C19orf44: variants seen among roughly 807,000 people sequenced by gnomAD.
The protein encoded by C19orf44 is chromosome 19 open reading frame 44.
Under a neutral mutation model 50.7 loss-of-function variants are expected in C19orf44, and 43 were observed. That is an observed-to-expected ratio of 0.85 (90% CI 0.66 to 1.09). The LOEUF is 1.09. Among genes scored for constraint, C19orf44 ranks in the 50% least tolerant of loss-of-function variants. The pLI is 0.00. For synonymous variants in C19orf44, 298 were observed against 334.7 expected, an observed-to-expected ratio of 0.89 and a Z score of 1.20; for missense variants, 722 against 836.2, an observed-to-expected ratio of 0.86 and a Z score of 1.68.
At chr19:16,509,182 C>A (rs1357146582) in intron 4 of C19orf44, among the ~76,000 whole-genome samples, 1 of 151,908 alleles carries the variant, frequency 6.6e-6, no homozygotes, top group Non-Finnish European at 1.5e-5. Flanking sequence ...CCAGGCAGGT[C>A]TTGAACTCCT....
In C19orf44 at chr19:16,519,952, G is replaced by A. The variant is rs569583728; in HGVS notation, c.*41-142G>A. 8.4e-4 allele frequency: 573 copies of A among 678,786 alleles called. 13 individuals carry two copies. The South Asian group carries it at 0.01, about 12-fold the overall frequency. The allele number at this position is 678,786 out of a possible 1,614,324, so 42.0% of individuals were successfully genotyped here. On this transcript the variant is annotated intron_variant, in intron 8 of 8. Transcript: ENST00000221671. This position sits in a 1 kb window ranked among gnomAD's most constrained non-coding sequence, Gnocchi z 6.0. ...CAGGACACCTCCAACCCAGATGGTG[G>A]TTAGAAAGCAGACCCCAGTTACTGC... is the stretch of plus-strand genomic sequence containing the variant.
chr19:16,512,915 G>A, intron 5 of C19orf44, 99 bp from the exon 6 acceptor site: 3 of 891,722 alleles, frequency 3.4e-6, no homozygotes, highest in African/African-American at 1.7e-5. Context: ...AAAGAGGGAA[G>A]AACAAGGTCA....
chr19:16,509,505 A>G lies in C19orf44; in HGVS notation c.1156A>G (p.Ser386Gly). Residue 386 changes from serine (S) to glycine (G), a missense_variant, in exon 5 of 9, where the codon AGT (serine) becomes GGT (glycine). By Grantham distance (56) the Ser-to-Gly change is moderately conservative (BLOSUM62 0). Transcript: ENST00000221671. ...ENSDLEQEEE[S>G]AQRQKTAGKI... ...CTGCCATTCTTCATTTTAGGAGGAAAGTGCTCAGAGACAAAAAACAGCTGG... is the reference window on the plus strand; with the variant it reads ...CTGCCATTCTTCATTTTAGGAGGAAGGTGCTCAGAGACAAAAAACAGCTGG... The G allele has an allele frequency of 6.5e-7, 1 of 1,536,228 alleles. No individual in the cohort carries two copies. Among genetic ancestry groups the G allele is most frequent in the Non-Finnish European group, 8.7e-7 (1 of 1,145,466 alleles).
At chr19:16,496,629 G>C (rs931816004) in intron 1 of C19orf44, 164 bp downstream of exon 1, 10 of 182,266 alleles carry the variant, frequency 5.5e-5, no homozygotes, top group Admixed American at 2.2e-4. Context: ...GTCCTGCGCG[G>C]GTCGCTTCAT....
intron 5 of C19orf44, 170 bp downstream of exon 5, chr19:16,510,158 G>A (rs982935255): frequency 1.0e-6 from 1 of 983,872 alleles, no homozygotes; most frequent in East Asian, 2.7e-5. Flanking sequence ...TGTAATCCCA[G>A]CACTTTGGGA....
rs1478293050 is a variant in C19orf44, at chr19:16,506,629, G to T, written c.1076-72G>T. ...GAAAAGAAAAGAAAAAAGAAATTTGGAAGGTTTGTAAAAATTTATGGAGTA... is the reference window on the plus strand; with the variant it reads ...GAAAAGAAAAGAAAAAAGAAATTTGTAAGGTTTGTAAAAATTTATGGAGTA... On this transcript the variant is annotated intron_variant, in intron 3 of 8. Transcript: ENST00000221671. 6 of 1,026,916 alleles carry T rather than the reference G, an allele frequency of 5.8e-6. No homozygotes were observed. In the Admixed American group the frequency reaches 1.9e-4, roughly 33 times the overall value. The allele number at this position is 1,026,916 out of a possible 1,614,324, so 63.6% of individuals were successfully genotyped here. A position where few individuals can be genotyped will look rare whatever the true frequency, so the allele number is the denominator to read the frequency against.
intron 7 of C19orf44, among the ~76,000 whole-genome samples, chr19:16,516,710 C>T (rs967733119): frequency 2.0e-5 from 3 of 152,324 alleles, no homozygotes; most frequent in East Asian, 1.9e-4. Flanking sequence ...TGCCCCGGGA[C>T]GCTGCTTTGG....
intron 5 of C19orf44, 108 bp from the exon 6 acceptor site, chr19:16,512,906 A>C (rs970442541): frequency 1.5e-5 from 13 of 880,996 alleles, no homozygotes; most frequent in Non-Finnish European, 2.2e-5. Context: ...CACCTTCAGA[A>C]AGAGGGAAGA....
intron 2 of C19orf44, among the ~76,000 whole-genome samples, chr19:16,502,478 T>C (rs1416182255): frequency 1.3e-5 from 2 of 152,064 alleles, no homozygotes; most frequent in Non-Finnish European, 2.9e-5. Flanking sequence ...CCTCATGATC[T>C]GCCCGCCTCG....
intron 2 of C19orf44, 32 bp downstream of exon 2, chr19:16,501,583 T>A: frequency 9.5e-6 from 12 of 1,269,150 alleles, no homozygotes; most frequent in Non-Finnish European, 1.2e-5. Flanking sequence ...AAATTTATTT[T>A]AATTTATTTA....
At chr19:16,505,859 T>G (rs1417247815) in intron 3 of C19orf44, among the ~76,000 whole-genome samples, 1 of 151,748 alleles carries the variant, frequency 6.6e-6, no homozygotes, top group Non-Finnish European at 1.5e-5. Flanking sequence ...TTTTTGTATT[T>G]TTAATAGAGA....
At chr19:16,505,506 A>G (rs2093438107) in intron 3 of C19orf44, among the ~76,000 whole-genome samples, 1 of 150,700 alleles carries the variant, frequency 6.6e-6, no homozygotes, top group South Asian at 2.1e-4. Flanking sequence ...GAGCCACTGC[A>G]CCAAGCCTGT....
At position 16,519,138 on chromosome 19, in the gene C19orf44, C is replaced by T. The variant is rs543574733; in HGVS notation, c.*41-956C>T. ...CACAGCCGGCACCGCTGGCCACCGGCGCGGCTCCCGGCATGGGCGCCTACT... is the reference window on the plus strand; with the variant it reads ...CACAGCCGGCACCGCTGGCCACCGGTGCGGCTCCCGGCATGGGCGCCTACT... On this transcript the variant is annotated intron_variant, in intron 8 of 8. Coordinates refer to ENST00000221671, the MANE Select transcript of C19orf44 (RefSeq NM_032207.4). This position sits in a 1 kb window ranked among gnomAD's most constrained non-coding sequence, Gnocchi z 6.0. 65 of 1,603,684 alleles carry T rather than the reference C, an allele frequency of 4.1e-5. No individual in the cohort carries two copies. The highest frequency in any genetic ancestry group is 1.7e-4 in the Middle Eastern group (1 of 6,034).
Position 16,509,668 on chromosome 19 carries a change from C to T in C19orf44, c.1319C>T (p.Ser440Leu), listed in dbSNP as rs562591336. 4.3e-6 allele frequency: 7 copies of T among 1,614,236 alleles called. No individual in the cohort carries two copies. In the East Asian group the frequency reaches 6.7e-5, roughly 15 times the overall value. Residue 440 changes from serine to leucine, a missense_variant, in exon 5 of 9, where the codon TCG (serine) becomes TTG (leucine). By Grantham distance (145) the Ser-to-Leu change is moderately radical. Coordinates refer to ENST00000221671, the MANE Select transcript of C19orf44 (RefSeq NM_032207.4). ...GTCTCGGAGCATCTCAGTGCCAGCT[C>T]GGCTTCTGCCATCCAGCAGGACAGC... Reference protein sequence around the residue: ...SEVSEHLSASSASAIQQDSTS... With the variant: ...SEVSEHLSASLASAIQQDSTS...
chr19:16,516,438 T>C (rs1489650283), intron 7 of C19orf44, among the ~76,000 whole-genome samples: 1 of 152,146 alleles, frequency 6.6e-6, no homozygotes, highest in Non-Finnish European at 1.5e-5. Context: ...AATGCAATAA[T>C]ACACAAACCA....
intron 1 of C19orf44, among the ~76,000 whole-genome samples, chr19:16,499,790 G>C (rs1006386131): frequency 6.6e-6 from 1 of 151,566 alleles, no homozygotes; most frequent in Non-Finnish European, 1.5e-5. Flanking sequence ...CCAGGGTAGC[G>C]GTTCTTCTTT....
rs144552096 is a variant in C19orf44 at position 16,516,633 on chromosome 19, C to T, written c.1903-597C>T. ...TGAGCGGTTGGGGATCCCCTGGAAGCCCTGTGAAAGCGATGCTGGGCCCGC... is the reference window on the plus strand; with the variant it reads ...TGAGCGGTTGGGGATCCCCTGGAAGTCCTGTGAAAGCGATGCTGGGCCCGC... On this transcript the variant is annotated intron_variant, in intron 7 of 8. Transcript: ENST00000221671. Among the ~76,000 whole-genome samples, 3 of 152,338 alleles carry T rather than the reference C, an allele frequency of 2.0e-5. No individual in the cohort carries two copies. The East Asian group carries it at 5.8e-4, about 29-fold the overall frequency.
chr19:16,515,789 A>G (rs145621494), intron 7 of C19orf44, among the ~76,000 whole-genome samples: 7 of 146,250 alleles, frequency 4.8e-5, no homozygotes, highest in Non-Finnish European at 9.0e-5. Flanking sequence ...ATGGTGATCT[A>G]TTCATAAACT....
intron 1 of C19orf44, among the ~76,000 whole-genome samples, chr19:16,497,352 C>CTTTTTT (rs71180303): frequency 5.5e-5 from 7 of 127,024 alleles, no homozygotes; most frequent in South Asian, 2.3e-4. Context: ...TTTTTCTTTC[C>CTTTTTT]TTTTTTTTTT....
Sources: gnomAD v4.1 joint callset for allele counts (sites outside exome capture counted in the v4.1 genomes callset) on GRCh38, gnomAD v4.1.1 for gene constraint, Gnocchi (gnomAD v3.1) non-coding constraint, MANE v1.5 for transcripts, NCBI Gene and HGNC (gene_info 2026-07-23, HGNC 2026-07-21) for gene names.